The following BTBD3 variants were observed in gnomAD, a reference collection of about 807,000 sequenced individuals.
BTBD3 encodes BTB domain containing 3.
Under a neutral mutation model 41.6 loss-of-function variants are expected in BTBD3, and 14 were observed. The ratio of observed to expected loss-of-function variants is 0.34; its 90% CI spans 0.22 to 0.53. The LOEUF (loss-of-function observed/expected upper bound fraction) is 0.53, where lower values mean the gene tolerates loss of function less well. Among genes scored for constraint, BTBD3 ranks in the 20% least tolerant of loss-of-function variants. The pLI, the probability that BTBD3 is intolerant of heterozygous loss-of-function variation, is 0.95. For missense variants in BTBD3, 426 were observed against 654.7 expected (o/e 0.65, Z 3.81); for synonymous variants, 249 against 233.7 (o/e 1.07, Z -0.60).
upstream of BTBD3, among the ~76,000 whole-genome samples, chr20:11,916,744 G>A (rs2056920130): frequency 6.6e-6 from 1 of 152,170 alleles, no homozygotes; most frequent in Admixed American, 6.5e-5. Context: ...GAGGGCTGTG[G>A]TCATGAAGGG....
At chr20:11,908,522 TTAAG>T (rs1205317389) in intron 1 of BTBD3, among the ~76,000 whole-genome samples, 2 of 152,026 alleles carry the variant, frequency 1.3e-5, no homozygotes, top group Non-Finnish European at 2.9e-5. Flanking sequence ...AGTCCCCACT[TTAAG>T]TGAGACTTAT....
chr20:11,900,456 G>T (rs2056816788), intron 1 of BTBD3, among the ~76,000 whole-genome samples: 4 of 152,102 alleles, frequency 2.6e-5, no homozygotes, highest in Admixed American at 2.6e-4. Context: ...TGTTGCCTTT[G>T]TGAGAGTTTT....
At chr20:11,894,375 C>T (rs1432150957) in intron 1 of BTBD3, among the ~76,000 whole-genome samples, 1 of 152,214 alleles carries the variant, frequency 6.6e-6, no homozygotes, top group East Asian at 1.9e-4. Flanking sequence ...TTGCTTATGC[C>T]ATAACATTCC....
At chr20:11,894,650 T>C (rs1411470153) in intron 1 of BTBD3, among the ~76,000 whole-genome samples, 2 of 152,064 alleles carry the variant, frequency 1.3e-5, no homozygotes, top group South Asian at 2.1e-4. Flanking sequence ...TTCTTTTTTT[T>C]CTTCTCCACA....
intron 3 of BTBD3, among the ~76,000 whole-genome samples, chr20:11,920,333 A>C (rs1200223868): frequency 6.6e-6 from 1 of 152,318 alleles, no homozygotes; most frequent in East Asian, 1.9e-4. Context: ...CTTTGTGTAC[A>C]CATACATATA....
Position 11,919,192 on chromosome 20 carries a change from A to T in BTBD3, c.417+16A>T. On this transcript the variant is annotated intron_variant, in intron 2 of 3. Coordinates refer to ENST00000378226, the MANE Select transcript of BTBD3 (RefSeq NM_014962.4). ...AGGACACAAAGTAAGCAACAGCTGC[A>T]TGACCGGTTTAGTCCTGACGTTTAC... 1 of 1,609,808 alleles carries T rather than the reference A, an allele frequency of 6.2e-7. No homozygotes were observed. The highest frequency in any genetic ancestry group is 1.1e-5 in the South Asian group (1 of 90,664).
intron 2 of BTBD3, 81 bp from the exon 3 acceptor site, chr20:11,919,637 G>A: frequency 1.4e-6 from 2 of 1,400,902 alleles, no homozygotes; most frequent in South Asian, 2.3e-5. Context: ...AAACCTGATT[G>A]CCTAGTGTTG....
At chr20:11,917,560 T>G (rs180824077), upstream of BTBD3, among the ~76,000 whole-genome samples, 162 of 152,346 alleles carry the variant, frequency 1.1e-3, no homozygotes, top group African/African-American at 3.6e-3. Flanking sequence ...GGAAAAAGAT[T>G]TTAGTAGAAA....
In BTBD3 at chr20:11,924,236, G is replaced by A. The variant is rs1034600474; in HGVS notation, c.*570G>A. On this transcript the variant is annotated 3_prime_UTR_variant, in exon 4 of 4. Transcript: ENST00000378226. ...AAAAAATTACTAAATTCATAAGATAGTTAGGTATTAAACACTTCAGAATAT... is the reference window on the plus strand; with the variant it reads ...AAAAAATTACTAAATTCATAAGATAATTAGGTATTAAACACTTCAGAATAT... The A allele has an allele frequency of 7.2e-5, 11 of 152,390 alleles. No homozygotes were observed. Among genetic ancestry groups the A allele is most frequent in the Admixed American group, 3.3e-4 (5 of 15,264 alleles). 9.4% of individuals were successfully genotyped at this position (152,390 alleles called of 1,614,324 possible).
chr20:11,919,971 A>G (rs2056953992), intron 3 of BTBD3, 135 bp downstream of exon 3: 1 of 756,630 alleles, frequency 1.3e-6, no homozygotes, highest in African/African-American at 1.7e-5. Context: ...TACCTTGTAA[A>G]TGTTTTCGGA....
intron 1 of BTBD3, among the ~76,000 whole-genome samples, chr20:11,901,483 C>T (rs1005033136): frequency 3.9e-5 from 6 of 152,166 alleles, no homozygotes; most frequent in African/African-American, 1.4e-4. Flanking sequence ...GGTGGACTTC[C>T]TTACCCTTCC....
chr20:11,919,308 G>A (rs895229815), intron 2 of BTBD3, 132 bp downstream of exon 2: 20 of 1,336,156 alleles, frequency 1.5e-5, no homozygotes, highest in South Asian at 4.7e-5. Flanking sequence ...GGGAGAGAGC[G>A]CACCCTCTCC....
At chr20:11,915,433 G>C (rs1436426303), upstream of BTBD3, among the ~76,000 whole-genome samples, 1 of 152,188 alleles carries the variant, frequency 6.6e-6, no homozygotes, top group Non-Finnish European at 1.5e-5. Context: ...TATGGCACCA[G>C]ATGTTGGTAC....
chr20:11,915,012 A>G (rs1568613574), upstream of BTBD3, among the ~76,000 whole-genome samples: 3 of 152,198 alleles, frequency 2.0e-5, no homozygotes. Context: ...GATTTGTTCA[A>G]ATACTCGCCT....
At chr20:11,900,070 T>TC (rs2056814829) in intron 1 of BTBD3, among the ~76,000 whole-genome samples, 2 of 152,212 alleles carry the variant, frequency 1.3e-5, no homozygotes, top group South Asian at 4.1e-4. Context: ...GTAAGAGCAT[T>TC]CCCCATATTT....
At chr20:11,917,844 T>G (rs1055353277), upstream of BTBD3, 5 of 888,404 alleles carry the variant, frequency 5.6e-6, no homozygotes, top group African/African-American at 1.8e-5. Flanking sequence ...GCACTGGCTG[T>G]CTGACTCCAT....
intron 1 of BTBD3, among the ~76,000 whole-genome samples, chr20:11,898,967 T>C (rs2056807405): frequency 6.6e-6 from 1 of 152,198 alleles, no homozygotes; most frequent in African/African-American, 2.4e-5. Context: ...CAGTTTTTAA[T>C]CAAGAGTAGG....
At chr20:11,896,833 C>T (rs189253335) in intron 1 of BTBD3, among the ~76,000 whole-genome samples, 2 of 152,278 alleles carry the variant, frequency 1.3e-5, no homozygotes, top group Admixed American at 6.5e-5. Flanking sequence ...AAATTGAATG[C>T]ATGGGAAGAA....
chr20:11,919,927 G>A, intron 3 of BTBD3, 91 bp downstream of exon 3: 1 of 1,115,438 alleles, frequency 9.0e-7, no homozygotes, highest in Non-Finnish European at 1.4e-6. Context: ...CTGCATAACA[G>A]AAAAGAAGAC....
Sources: gnomAD v4.1 joint callset for allele counts (sites outside exome capture counted in the v4.1 genomes callset) on GRCh38, gnomAD v4.1.1 for gene constraint, MANE v1.5 for transcripts, NCBI Gene and HGNC (gene_info 2026-07-23, HGNC 2026-07-21) for gene names.